PAMR1: variants seen among roughly 807,000 people sequenced by gnomAD.
PAMR1 encodes peptidase domain containing associated with muscle regeneration 1, also known as inactive serine protease PAMR1.
Under a neutral mutation model 81.8 loss-of-function variants are expected in PAMR1, and 88 were observed. The ratio of observed to expected loss-of-function variants is 1.08; its 90% CI spans 0.91 to 1.28. The LOEUF (loss-of-function observed/expected upper bound fraction) is 1.28, where lower values mean the gene tolerates loss of function less well. Among genes scored for constraint, PAMR1 ranks in the 50% most tolerant of loss-of-function variants. The pLI, the probability that PAMR1 is intolerant of heterozygous loss-of-function variation, is 0.00. For missense variants in PAMR1, 935 were observed against 919.7 expected (o/e 1.02, Z -0.21); for synonymous variants, 336 against 345.3 (o/e 0.97, Z 0.30).
intron 4 of PAMR1, 54 bp from the exon 5 acceptor site, chr11:35,470,872 G>T: frequency 1.6e-6 from 2 of 1,282,772 alleles, no homozygotes; most frequent in Non-Finnish European, 2.3e-6. Flanking sequence ...ACAGTCCTGA[G>T]ACCGCTGGGC....
At chr11:35,468,525 G>C (rs1856796719) in intron 5 of PAMR1, among the ~76,000 whole-genome samples, 1 of 152,194 alleles carries the variant, frequency 6.6e-6, no homozygotes, top group African/African-American at 2.4e-5. Context: ...GCAACTGGAA[G>C]ACAATCATTA....
chr11:35,461,670 CA>C (rs1856658355), intron 6 of PAMR1, among the ~76,000 whole-genome samples: 1 of 151,832 alleles, frequency 6.6e-6, no homozygotes, highest in African/African-American at 2.4e-5. Flanking sequence ...TATAAAAGGG[CA>C]GCTTCTACTA....
At position 35,434,555 on chromosome 11, in the gene PAMR1, T is replaced by A. The variant is rs753938601; in HGVS notation, c.1583A>T (p.Tyr528Phe). The change falls in exon 10 of 11, where the codon TAC becomes TTC. Residue 528 changes from tyrosine to phenylalanine, a missense_variant. Physicochemically the swap from Tyr to Phe is conservative, Grantham distance 22. Coordinates refer to ENST00000619888, the MANE Select transcript of PAMR1 (RefSeq NM_001001991.3). ...ADLKVVLGKFYRDDDRDEKTI... is the reference protein window; with the variant it reads ...ADLKVVLGKFFRDDDRDEKTI... ...CTTCTCATCCCGGTCATCATCCCGG[T>A]AGAATTTCCCCAAAACAACTTTCAG... 1.4e-5 allele frequency: 22 copies of A among 1,614,000 alleles called. No homozygotes were observed. Among genetic ancestry groups the A allele is most frequent in the Non-Finnish European group, 1.9e-5 (22 of 1,180,006 alleles).
At chr11:35,434,130 C>T (rs189573171) in intron 10 of PAMR1, among the ~76,000 whole-genome samples, 15 of 152,224 alleles carry the variant, frequency 9.9e-5, no homozygotes, top group Non-Finnish European at 1.3e-4. Context: ...ATGGAGCTAA[C>T]GGTTTCAGGC....
intron 3 of PAMR1, among the ~76,000 whole-genome samples, chr11:35,488,581 TAATTCTCCCCTTC>T (rs558614117): frequency 2.6e-4 from 40 of 151,112 alleles, no homozygotes; most frequent in African/African-American, 9.4e-4. Context: ...ACTATCACCT[TAATTCTCCCCTTC>T]CTTGCTTGAT....
intron 3 of PAMR1, among the ~76,000 whole-genome samples, chr11:35,479,825 G>A (rs1223984837): frequency 6.6e-6 from 1 of 152,182 alleles, no homozygotes. Context: ...TTATCCCTCT[G>A]TGCCTGAGTG....
intron 6 of PAMR1, among the ~76,000 whole-genome samples, chr11:35,464,979 G>C (rs1414596356): frequency 6.6e-6 from 1 of 152,176 alleles, no homozygotes; most frequent in Non-Finnish European, 1.5e-5. Context: ...TCCTTTAAGA[G>C]GACTCGCTAA....
At chr11:35,445,034 TCTC>T (rs1169287580) in intron 6 of PAMR1, among the ~76,000 whole-genome samples, 1 of 152,170 alleles carries the variant, frequency 6.6e-6, no homozygotes, top group Non-Finnish European at 1.5e-5. Context: ...GGTTTGTAGT[TCTC>T]CTTGAAGAGA....
chr11:35,448,006 T>C (rs978431697), intron 6 of PAMR1, among the ~76,000 whole-genome samples: 4 of 152,240 alleles, frequency 2.6e-5, no homozygotes, highest in Admixed American at 2.6e-4. Flanking sequence ...TCTCCTGAGA[T>C]ATCGACTGTT....
chr11:35,508,108 T>G (rs631093), intron 1 of PAMR1, among the ~76,000 whole-genome samples: 68,070 of 152,006 alleles, frequency 0.45, 15,646 homozygotes, highest in East Asian at 0.68. Flanking sequence ...GCTTGTCTCT[T>G]GCTGTTGCCA....
chr11:35,464,986 C>T (rs897136277), intron 6 of PAMR1, among the ~76,000 whole-genome samples: 13 of 152,172 alleles, frequency 8.5e-5, no homozygotes, highest in African/African-American at 2.7e-4. Context: ...AGAGGACTCG[C>T]TAATGGGACA....
chr11:35,526,002 G>A (rs570282435), upstream of PAMR1: 7 of 203,962 alleles, frequency 3.4e-5, no homozygotes, highest in African/African-American at 1.1e-4. Flanking sequence ...TCTTCCTACG[G>A]GAGGCTGAGA....
intron 6 of PAMR1, among the ~76,000 whole-genome samples, chr11:35,463,722 C>G (rs1265913295): frequency 1.3e-5 from 2 of 152,110 alleles, no homozygotes; most frequent in African/African-American, 4.8e-5. Flanking sequence ...ACCCAGGCAC[C>G]GGGGGAAGTT....
chr11:35,490,732 T>C (rs1192128188), intron 3 of PAMR1, among the ~76,000 whole-genome samples: 1 of 152,258 alleles, frequency 6.6e-6, no homozygotes, highest in Non-Finnish European at 1.5e-5. Flanking sequence ...ATTGCATTAA[T>C]TGAGCTTTTA....
intron 1 of PAMR1, 62 bp from the exon 2 acceptor site, chr11:35,494,334 T>C: frequency 1.5e-6 from 2 of 1,367,394 alleles, no homozygotes; most frequent in Non-Finnish European, 2.1e-6. Context: ...ACTCTTTGTT[T>C]GTTTGTTTGT....
chr11:35,513,799 A>G (rs1192111884), intron 1 of PAMR1, among the ~76,000 whole-genome samples: 1 of 152,206 alleles, frequency 6.6e-6, no homozygotes, highest in Non-Finnish European at 1.5e-5. Context: ...ACCACAGTCC[A>G]GACATCTTCC....
At chr11:35,527,443 T>C (rs188886175), upstream of PAMR1, among the ~76,000 whole-genome samples, 1 of 152,266 alleles carries the variant, frequency 6.6e-6, no homozygotes, top group Non-Finnish European at 1.5e-5. Context: ...GAACATCTCA[T>C]GGTATGAGTC....
intron 8 of PAMR1, among the ~76,000 whole-genome samples, chr11:35,437,545 G>T (rs913732137): frequency 1.3e-5 from 2 of 152,202 alleles, no homozygotes; most frequent in Non-Finnish European, 2.9e-5. Flanking sequence ...CTCCTCCCTT[G>T]GCTATGGAAG....
chr11:35,474,565 G>C, intron 4 of PAMR1, 65 bp downstream of exon 4: 1 of 893,404 alleles, frequency 1.1e-6, no homozygotes, highest in Non-Finnish European at 1.8e-6. Flanking sequence ...GTGACCAAGA[G>C]CCTTCCATCC....
Sources: gnomAD v4.1 joint callset for allele counts (sites outside exome capture counted in the v4.1 genomes callset) on GRCh38, gnomAD v4.1.1 for gene constraint, MANE v1.5 for transcripts, NCBI Gene and HGNC (gene_info 2026-07-23, HGNC 2026-07-21) for gene names.